ALX4: variants seen among roughly 807,000 people sequenced by gnomAD.
ALX4 encodes ALX homeobox 4.
ALX4 carries 22 observed loss-of-function variants against 40.6 expected under a neutral mutation model. The observed-to-expected ratio is 0.54, with a 90% CI of 0.39 to 0.77. The LOEUF (loss-of-function observed/expected upper bound fraction) is 0.77, where lower values mean the gene tolerates loss of function less well. Ranked by LOEUF, ALX4 falls within the 30% of genes least tolerant of loss-of-function variation. The pLI, the probability that ALX4 is intolerant of heterozygous loss-of-function variation, is 0.00. For synonymous variants in ALX4, 266 were observed against 240.5 expected (o/e 1.11, Z -0.98); for missense variants, 556 against 564.8 (o/e 0.98, Z 0.16).
intron 1 of ALX4, among the ~76,000 whole-genome samples, chr11:44,301,407 A>C (rs1012869552): frequency 6.6e-6 from 1 of 152,202 alleles, no homozygotes; most frequent in Non-Finnish European, 1.5e-5. Context: ...TCAAGAACTT[A>C]GGAAAAGAAA....
At position 44,269,007 on chromosome 11, in the gene ALX4, C is replaced by G. The variant is rs113766672; in HGVS notation, c.778-1385G>C. 8.4e-3 allele frequency among the ~76,000 whole-genome samples: 1,282 copies of G among 152,346 alleles called. 22 individuals are homozygous for G. The highest frequency in any genetic ancestry group is 0.03 in the African/African-American group (1,227 of 41,580). ...ACTTTCCTGAGGTCCAGTCCCTGCTCTCCAGGTGGAAACATTTCTCCATCC... is the reference window on the plus strand; with the variant it reads ...ACTTTCCTGAGGTCCAGTCCCTGCTGTCCAGGTGGAAACATTTCTCCATCC... On this transcript the variant is annotated intron_variant, in intron 2 of 3. Transcript: ENST00000652299.
chr11:44,303,283 C>T (rs1956445419), intron 1 of ALX4, among the ~76,000 whole-genome samples: 3 of 152,190 alleles, frequency 2.0e-5, no homozygotes, highest in Non-Finnish European at 4.4e-5. Context: ...TTTAAGAATC[C>T]GATGAAGCAA....
chr11:44,305,913 A>G (rs1956464369), intron 1 of ALX4, among the ~76,000 whole-genome samples: 1 of 152,252 alleles, frequency 6.6e-6, no homozygotes, highest in Admixed American at 6.5e-5. Flanking sequence ...CAGGTAGACT[A>G]GGACCAGTAC....
chr11:44,297,489 G>A (rs773498284), intron 1 of ALX4, among the ~76,000 whole-genome samples: 5 of 152,002 alleles, frequency 3.3e-5, no homozygotes, highest in African/African-American at 4.8e-5. Flanking sequence ...AGGCTGAGGC[G>A]GGAGGATCAC....
rs886048284 is a variant in ALX4, at chr11:44,261,093, ATTTTTT to A, written c.*3755_*3760del. On this transcript the variant is annotated 3_prime_UTR_variant, in exon 4 of 4. Coordinates refer to ENST00000652299, the MANE Select transcript of ALX4 (RefSeq NM_021926.4). The stretch of plus-strand genomic sequence containing the variant: ...GTTGATGGGTCATTGTCACCTTCTT[ATTTTTT>A]AACTGGATAGTCACAGAGTATTATC... 3.3e-5 allele frequency: 5 copies of A among 152,162 alleles called. No homozygotes were observed. Among genetic ancestry groups the A allele is most frequent in the South Asian group, 2.1e-4 (1 of 4,812 alleles). 9.4% of individuals were successfully genotyped at this position (152,162 alleles called of 1,614,324 possible).
intron 2 of ALX4, among the ~76,000 whole-genome samples, chr11:44,273,483 G>C (rs775711986): frequency 6.6e-6 from 1 of 152,166 alleles, no homozygotes; most frequent in South Asian, 2.1e-4. Flanking sequence ...CTCTGGACAA[G>C]GGTTGATTGA....
Position 44,260,610 on chromosome 11 carries a change from G to GT in ALX4, c.*4243dup, listed in dbSNP as rs1441014182. 6.6e-6 allele frequency: 1 copy of GT among 152,092 alleles called. No individual in the cohort carries two copies. The highest frequency in any genetic ancestry group is 1.5e-5 in the Non-Finnish European group (1 of 68,032). 9.4% of individuals were successfully genotyped at this position (152,092 alleles called of 1,614,324 possible). A position where few individuals can be genotyped will look rare whatever the true frequency, so the allele number is the denominator to read the frequency against. Reference sequence around the variant, plus strand: ...GTGTTCCTCCTCTCCCAAAAAAGATGTAAGTGCAATAACTTACTTTAAAAG... The same window carrying GT: ...GTGTTCCTCCTCTCCCAAAAAAGATGTTAAGTGCAATAACTTACTTTAAAAG... On this transcript the variant is annotated 3_prime_UTR_variant, in exon 4 of 4. Transcript: ENST00000652299.
At chr11:44,268,872 C>G (rs1310410274) in intron 2 of ALX4, among the ~76,000 whole-genome samples, 3 of 152,222 alleles carry the variant, frequency 2.0e-5, no homozygotes, top group Admixed American at 1.3e-4. Context: ...GTGGGCACAC[C>G]TCAGACAGCA....
In ALX4 at chr11:44,263,382, AG is replaced by A. The variant is rs1956193635; in HGVS notation, c.*1471del. 1 of 152,270 alleles carries A rather than the reference AG, an allele frequency of 6.6e-6. No homozygotes were observed. The allele number at this position is 152,270 out of a possible 1,614,324, so 9.4% of individuals were successfully genotyped here. On this transcript the variant is annotated 3_prime_UTR_variant, in exon 4 of 4. Transcript: ENST00000652299. Reference sequence around the variant, plus strand: ...GGGCTCAGGGCCAGACCCAAGCTACAGGGGTCGGGCAGGCAGGCACAGAGCC... The same window carrying A: ...GGGCTCAGGGCCAGACCCAAGCTACAGGGTCGGGCAGGCAGGCACAGAGCC...
intron 3 of ALX4, 54 bp from the exon 4 acceptor site, chr11:44,265,237 G>T (rs1448696813): frequency 1.3e-6 from 2 of 1,501,958 alleles, no homozygotes; most frequent in Non-Finnish European, 1.8e-6. Flanking sequence ...TGGTGTGGAA[G>T]GGGCTCGCCC....
intron 1 of ALX4, among the ~76,000 whole-genome samples, chr11:44,276,926 C>G (rs190892472): frequency 1.1e-3 from 167 of 152,204 alleles, no homozygotes; most frequent in African/African-American, 3.9e-3. Flanking sequence ...GTGTGCGGCC[C>G]GGTTACTAAC....
intron 2 of ALX4, among the ~76,000 whole-genome samples, chr11:44,271,600 A>G (rs1232882271): frequency 2.0e-5 from 3 of 152,096 alleles, no homozygotes; most frequent in Admixed American, 6.6e-5. Context: ...TTTTTACCAC[A>G]TTACCTCTGC....
At chr11:44,297,087 G>T (rs993770224) in intron 1 of ALX4, among the ~76,000 whole-genome samples, 2 of 151,618 alleles carry the variant, frequency 1.3e-5, no homozygotes, top group African/African-American at 2.4e-5. Flanking sequence ...TCACTTGGGT[G>T]GGGGGTCAAG....
intron 1 of ALX4, among the ~76,000 whole-genome samples, chr11:44,286,761 G>A (rs186204985): frequency 1.2e-4 from 18 of 152,254 alleles, no homozygotes; most frequent in African/African-American, 4.1e-4. Flanking sequence ...CCTCATTCCA[G>A]TCTCCTCAGA....
At chr11:44,269,402 A>C (rs887173370) in intron 2 of ALX4, among the ~76,000 whole-genome samples, 3 of 152,162 alleles carry the variant, frequency 2.0e-5, no homozygotes, top group Non-Finnish European at 4.4e-5. Context: ...GAAGATGGGG[A>C]TGTATCTCAT....
intron 2 of ALX4, among the ~76,000 whole-genome samples, chr11:44,268,788 G>A (rs752169468): frequency 6.6e-5 from 10 of 152,194 alleles, no homozygotes; most frequent in African/African-American, 1.2e-4. Context: ...GAGATGGACC[G>A]TGGTGCTCCT....
chr11:44,287,990 G>GTTTT (rs1956349033), intron 1 of ALX4, among the ~76,000 whole-genome samples: 2 of 152,160 alleles, frequency 1.3e-5, no homozygotes, highest in African/African-American at 4.8e-5. Flanking sequence ...TTGTTTGTTT[G>GTTTT]TTTTTAGACA....
At chr11:44,267,703 C>A in intron 2 of ALX4, 81 bp from the exon 3 acceptor site, 1 of 1,593,126 alleles carries the variant, frequency 6.3e-7, no homozygotes, top group South Asian at 1.1e-5. Flanking sequence ...CAAACTGTTC[C>A]CTTGAGCCCC....
intron 1 of ALX4, among the ~76,000 whole-genome samples, chr11:44,302,344 C>T (rs1484286155): frequency 6.6e-6 from 1 of 152,184 alleles, no homozygotes; most frequent in Non-Finnish European, 1.5e-5. Flanking sequence ...CGGCACACAC[C>T]GCTCACATTC....
Sources: allele counts gnomAD v4.1 joint callset (sites outside exome capture counted in the v4.1 genomes callset), GRCh38; gene constraint gnomAD v4.1.1; transcripts MANE v1.5; gene names NCBI Gene and HGNC (gene_info 2026-07-23, HGNC 2026-07-21).